The following ADAP1 variants were observed in gnomAD, a reference collection of about 807,000 sequenced individuals.
The protein encoded by ADAP1 is arf-GAP with dual PH domain-containing protein 1.
Under a neutral mutation model 54.9 loss-of-function variants are expected in ADAP1, and 31 were observed. The ratio of observed to expected loss-of-function variants is 0.56; its 90% CI spans 0.42 to 0.76. The LOEUF (loss-of-function observed/expected upper bound fraction) is 0.76, where lower values mean the gene tolerates loss of function less well. Among genes scored for constraint, ADAP1 ranks in the 30% least tolerant of loss-of-function variants. The pLI, the probability that ADAP1 is intolerant of heterozygous loss-of-function variation, is 0.00. For missense variants in ADAP1, 535 were observed against 512.4 expected (o/e 1.04, Z -0.42); for synonymous variants, 313 against 202.6 (o/e 1.55, Z -4.63).
intron 7 of ADAP1, 41 bp downstream of exon 7, chr7:900,492 C>A: frequency 4.2e-6 from 6 of 1,427,390 alleles, no homozygotes; most frequent in Non-Finnish European, 5.8e-6. Flanking sequence ...CACCCCACCA[C>A]CCCTGTCTGC....
Position 905,751 on chromosome 7 carries a change from G to GAAAGGAC in ADAP1, c.389-580_389-579insGTCCTTT, listed in dbSNP as rs1583130611. The GAAAGGAC allele has an allele frequency of 3.6e-5, 2 of 55,114 alleles. 1 individual carries two copies. Among genetic ancestry groups the GAAAGGAC allele is most frequent in the African/African-American group, 1.8e-4 (2 of 11,132 alleles). The allele number at this position is 55,114 out of a possible 1,614,324, so 3.4% of individuals were successfully genotyped here. The stretch of plus-strand genomic sequence containing the variant: ...AAGGAGAAAGGGAAAGGAGAAGGGA[G>GAAAGGAC]AAGGGAGAAGGGAGAAAGGAGAAAG... On this transcript the variant is annotated intron_variant, in intron 4 of 10. Transcript: ENST00000265846.
intron 4 of ADAP1, among the ~76,000 whole-genome samples, chr7:917,386 T>C (rs1845980254): frequency 1.3e-5 from 2 of 150,782 alleles, no homozygotes; most frequent in Non-Finnish European, 3.0e-5. Flanking sequence ...CTGGGAGGGG[T>C]TGGAGCACTG....
intron 4 of ADAP1, among the ~76,000 whole-genome samples, chr7:906,645 A>G (rs1320360200): frequency 1.8e-5 from 2 of 110,768 alleles, no homozygotes; most frequent in Admixed American, 8.9e-5. Context: ...GGAGAAAGGG[A>G]AAGGAGAAAG....
chr7:917,463 G>A (rs917394816), intron 4 of ADAP1, among the ~76,000 whole-genome samples: 4 of 152,104 alleles, frequency 2.6e-5, no homozygotes, highest in African/African-American at 7.2e-5. Flanking sequence ...TTTCAGGGCC[G>A]CCTCTCTTTC....
chr7:951,054 G>C (rs1465111623), intron 1 of ADAP1, among the ~76,000 whole-genome samples: 1 of 151,736 alleles, frequency 6.6e-6, no homozygotes, highest in Admixed American at 6.6e-5. Flanking sequence ...CTGTGCACTC[G>C]AAACGATGAG....
At position 945,576 on chromosome 7, in the gene ADAP1, G is replaced by A. The variant is rs906944463; in HGVS notation, c.82+8820C>T. ...ACACACTGGGCCCAAGGGTGGCTGC[G>A]GCATGGCTGATGTGGTGGTGGAGAT... On this transcript the variant is annotated intron_variant, in intron 1 of 10. Coordinates refer to ENST00000265846, the MANE Select transcript of ADAP1 (RefSeq NM_006869.4). The surrounding 1 kb of genome is among the most constrained non-coding windows in gnomAD (Gnocchi z 4.2). Among the ~76,000 whole-genome samples, 5 of 152,268 alleles carry A rather than the reference G, an allele frequency of 3.3e-5. No individual in the cohort carries two copies. Among genetic ancestry groups the A allele is most frequent in the African/African-American group, 1.2e-4 (5 of 41,474 alleles).
Position 946,194 on chromosome 7 carries a change from C to T in ADAP1, c.82+8202G>A, listed in dbSNP as rs1032934282. Among the ~76,000 whole-genome samples the T allele has an allele frequency of 3.3e-5, 5 of 152,170 alleles. No homozygotes were observed. Among genetic ancestry groups the T allele is most frequent in the East Asian group, 1.9e-4 (1 of 5,188 alleles). On this transcript the variant is annotated intron_variant, in intron 1 of 10. Transcript: ENST00000265846. The surrounding 1 kb of genome is among the most constrained non-coding windows in gnomAD (Gnocchi z 4.3). ...CCAGGCCCCTCTCCAACTCCACCTCCGTGTTTTCCGCATATTGTCTCCCAG... is the reference window on the plus strand; with the variant it reads ...CCAGGCCCCTCTCCAACTCCACCTCTGTGTTTTCCGCATATTGTCTCCCAG...
chr7:912,633 A>C (rs1845770332), intron 4 of ADAP1, among the ~76,000 whole-genome samples: 1 of 152,224 alleles, frequency 6.6e-6, no homozygotes, highest in African/African-American at 2.4e-5. Flanking sequence ...CAGCGGCCAC[A>C]GAGGGGCTTC....
In ADAP1 at chr7:915,862, C is replaced by T. The variant is rs969333413; in HGVS notation, c.388+4106G>A. On this transcript the variant is annotated intron_variant, in intron 4 of 10. Transcript: ENST00000265846. ...ACCCGCCTGCAGAACCCAGAACCCG[C>T]GCCCACTTTCCACGAGACGCTGTCT... is the stretch of plus-strand genomic sequence containing the variant. 7.2e-5 allele frequency among the ~76,000 whole-genome samples: 11 copies of T among 152,042 alleles called. No individual in the cohort carries two copies. In the South Asian group the frequency reaches 1.0e-3, roughly 14 times the overall value.
At chr7:903,840 G>A (rs1844946368) in intron 6 of ADAP1, 4 of 354,784 alleles carry the variant, frequency 1.1e-5, no homozygotes, top group Non-Finnish European at 2.1e-5. Flanking sequence ...GGGCCAAGCT[G>A]GGTGGCCCCA....
In ADAP1 at chr7:926,588, G is replaced by A. The variant is rs1237236528; in HGVS notation, c.270C>T (p.Pro90=). The change falls in exon 3 of 11, where the codon CCC becomes CCT. Residue 90 remains proline (P), a synonymous_variant. Coordinates refer to ENST00000265846, the MANE Select transcript of ADAP1 (RefSeq NM_006869.4). The surrounding 1 kb of genome is among the most constrained non-coding windows in gnomAD (Gnocchi z 4.6). ...AARARFESKV[P]SFYYRPTPSD... ...AGGGCGTGGGCCGGTAGTAGAAGGA[G>A]GGTACTTTGGACTCAAACCTGGCTC... 143 of 1,542,696 alleles carry A rather than the reference G, an allele frequency of 9.3e-5. No individual in the cohort carries two copies. Among genetic ancestry groups the A allele is most frequent in the Non-Finnish European group, 1.2e-4 (134 of 1,144,826 alleles).
Position 920,547 on chromosome 7 carries a change from G to A in ADAP1, c.306-497C>T, listed in dbSNP as rs3808344. On this transcript the variant is annotated intron_variant, in intron 3 of 10. Transcript: ENST00000265846. This position sits in a 1 kb window ranked among gnomAD's most constrained non-coding sequence, Gnocchi z 4.5. ...CGTGCCGCCCTCCACCCGCCGTGCC[G>A]CCCTCCACGTGGTTCTGAGACACAG... Among the ~76,000 whole-genome samples the A allele has an allele frequency of 2.4e-4, 37 of 152,030 alleles. No homozygotes were observed. The East Asian group carries it at 6.4e-3, about 26-fold the overall frequency.
intron 2 of ADAP1, among the ~76,000 whole-genome samples, chr7:932,613 T>G (rs1394275590): frequency 6.6e-6 from 1 of 152,050 alleles, no homozygotes; most frequent in African/African-American, 2.4e-5. Context: ...CCCTGCCCAT[T>G]TTTTAGGGAA....
Position 926,940 on chromosome 7 carries a change from ACCCCCAAGTCC to A in ADAP1, c.214-307_214-297del. On this transcript the variant is annotated intron_variant, in intron 2 of 10. Coordinates refer to ENST00000265846, the MANE Select transcript of ADAP1 (RefSeq NM_006869.4). The surrounding 1 kb of genome is among the most constrained non-coding windows in gnomAD (Gnocchi z 4.6). ...GTCTGAGGTTTGCCCCACCGTTTCA[ACCCCCAAGTCC>A]ACCCACACCGGGTGTCCCGTGGGAG... is the stretch of plus-strand genomic sequence containing the variant. The A allele has an allele frequency of 8.1e-7, 1 of 1,241,618 alleles. No individual in the cohort carries two copies. The allele number at this position is 1,241,618 out of a possible 1,614,324, so 76.9% of individuals were successfully genotyped here.
chr7:943,839 GGAGGAGGAGGAAGGGAGA>G (rs1336619459), intron 1 of ADAP1, among the ~76,000 whole-genome samples: 2 of 115,246 alleles, frequency 1.7e-5, no homozygotes, highest in East Asian at 6.8e-4. Context: ...GAGGAGGAAG[GGAGGAGGAGGAAGGGAGA>G]GAGGAGGAGG....
At chr7:951,448 A>G (rs1050262684) in intron 1 of ADAP1, among the ~76,000 whole-genome samples, 2 of 151,308 alleles carry the variant, frequency 1.3e-5, no homozygotes, top group Non-Finnish European at 2.9e-5. Context: ...GCCCCCGCCC[A>G]CACTCAGCAG....
intron 9 of ADAP1, 31 bp downstream of exon 9, chr7:899,388 C>T (rs1562904480): frequency 1.2e-6 from 2 of 1,611,588 alleles, no homozygotes; most frequent in Admixed American, 3.3e-5. Flanking sequence ...GTGAGCTGCC[C>T]TCCCGTGCTG....
chr7:900,506 G>A lies in ADAP1; in HGVS notation c.732+27C>T, dbSNP rs780877309. On this transcript the variant is annotated intron_variant, in intron 7 of 10. Coordinates refer to ENST00000265846, the MANE Select transcript of ADAP1 (RefSeq NM_006869.4). The stretch of plus-strand genomic sequence containing the variant: ...CCACCCCACCACCCCTGTCTGCCCT[G>A]GAGCTGACCGCAGGGCCGCCACTCA... 7.7e-6 allele frequency: 12 copies of A among 1,558,110 alleles called. No homozygotes were observed. The East Asian group carries it at 2.5e-4, about 33-fold the overall frequency.
In ADAP1 at chr7:899,470, C is replaced by T. The variant is rs1384528919; in HGVS notation, c.816G>A (p.Lys272=). 6.2e-7 allele frequency: 1 copy of T among 1,613,036 alleles called. No homozygotes were observed. The highest frequency in any genetic ancestry group is 1.7e-5 in the Admixed American group (1 of 59,994). Residue 272 remains lysine (K), a synonymous_variant, in exon 9 of 11, where the codon AAG becomes AAA. Transcript: ENST00000265846. ...TGCGGTCATCCATGGTGAACCAGCG[C>T]TTCCGGAAGCCTTCCGTTTGCTGTG... ...TGPKQTEGFR[K]RWFTMDDRRL...
Sources: allele counts gnomAD v4.1 joint callset (sites outside exome capture counted in the v4.1 genomes callset), GRCh38; gene constraint gnomAD v4.1.1; non-coding constraint Gnocchi (gnomAD v3.1); transcripts MANE v1.5; gene names NCBI Gene and HGNC (gene_info 2026-07-23, HGNC 2026-07-21).